The following WWOX variants were observed in gnomAD, a reference collection of about 807,000 sequenced individuals.
The protein encoded by WWOX is WW domain containing oxidoreductase, also known as WW domain-containing oxidoreductase.
WWOX carries 69 observed loss-of-function variants against 46.2 expected under a neutral mutation model. The ratio of observed to expected loss-of-function variants is 1.49; its 90% CI spans 1.23 to 1.82. WWOX has a LOEUF of 1.82. Ranked by LOEUF, WWOX falls within the 40% of genes most tolerant of loss-of-function variation. The probability of loss-of-function intolerance (pLI) is 0.00; values close to 1 mark genes in which losing one functional copy is unlikely to be tolerated. For synonymous variants in WWOX, 359 were observed against 202.6 expected, an observed-to-expected ratio of 1.77 and a Z score of -6.56; for missense variants, 919 against 542.6, an observed-to-expected ratio of 1.69 and a Z score of -6.89.
intron 8 of WWOX, among the ~76,000 whole-genome samples, chr16:79,013,018 G>T (rs912350502): frequency 2.0e-5 from 3 of 152,188 alleles, no homozygotes; most frequent in African/African-American, 7.2e-5. Context: ...GCAGTGAGCT[G>T]AGATCGTGCC....
chr16:78,584,861 C>A (rs1247682896), intron 8 of WWOX, among the ~76,000 whole-genome samples: 1 of 152,132 alleles, frequency 6.6e-6, no homozygotes, highest in Non-Finnish European at 1.5e-5. Flanking sequence ...CACGTCGGTG[C>A]GTGTAAGCAA....
chr16:78,413,461 G>A lies in WWOX; in HGVS notation c.606-11409G>A, dbSNP rs16982222. 6.6e-5 allele frequency among the ~76,000 whole-genome samples: 10 copies of A among 152,132 alleles called. No homozygotes were observed. The East Asian group carries it at 1.7e-3, about 26-fold the overall frequency. ...GAGCAATGTTTTTGGGGCAGCGGGT[G>A]GATCTCACAAAGTACATTCTCAAGG... On this transcript the variant is annotated intron_variant, in intron 6 of 8. Transcript: ENST00000566780.
At chr16:79,155,925 C>A (rs1045434431) in intron 8 of WWOX, among the ~76,000 whole-genome samples, 2 of 151,750 alleles carry the variant, frequency 1.3e-5, no homozygotes, top group Non-Finnish European at 2.9e-5. Flanking sequence ...ACAAGTCTCT[C>A]TGTTGATTTC....
At chr16:78,594,564 G>C (rs935958521) in intron 8 of WWOX, among the ~76,000 whole-genome samples, 2 of 151,198 alleles carry the variant, frequency 1.3e-5, no homozygotes, top group East Asian at 2.0e-4. Flanking sequence ...CAAACTCATA[G>C]TTTTCAGGTG....
intron 6 of WWOX, among the ~76,000 whole-genome samples, chr16:78,406,436 T>G (rs764276030): frequency 1.8e-4 from 26 of 147,496 alleles, no homozygotes; most frequent in Admixed American, 7.6e-4. Context: ...CACTGTAACC[T>G]CCGCCGCCCG....
chr16:78,877,783 A>C (rs2044264016), intron 8 of WWOX, among the ~76,000 whole-genome samples: 1 of 152,212 alleles, frequency 6.6e-6, no homozygotes, highest in Admixed American at 6.5e-5. Flanking sequence ...GGAGGAATGA[A>C]TCTAGAAATA....
intron 8 of WWOX, among the ~76,000 whole-genome samples, chr16:79,064,635 A>G (rs112743239): frequency 2.6e-5 from 4 of 152,220 alleles, no homozygotes; most frequent in African/African-American, 4.8e-5. Flanking sequence ...TTAGCCGTCC[A>G]TCCGGCACTG....
rs372408512 is a variant in WWOX at position 78,424,954 on chromosome 16, A to C, written c.690A>C (p.Gln230His). ...AAGATGGCCTGGAGACCACCTTTCA[A>C]GTGAATCATCTGGGGCACTTCTACC... ...LTKDGLETTFQVNHLGHFYLV... is the reference protein window; with the variant it reads ...LTKDGLETTFHVNHLGHFYLV... Residue 230 changes from glutamine (Q) to histidine (H), a missense_variant, in exon 7 of 9, where the codon CAA becomes CAC. Gln to His is a conservative substitution (Grantham distance 24, BLOSUM62 0). Transcript: ENST00000566780. 4 of 1,614,098 alleles carry C rather than the reference A, an allele frequency of 2.5e-6. No homozygotes were observed. Among genetic ancestry groups the C allele is most frequent in the Non-Finnish European group, 2.5e-6 (3 of 1,180,008 alleles).
intron 6 of WWOX, among the ~76,000 whole-genome samples, chr16:78,395,937 G>C (rs2082275513): frequency 6.6e-6 from 1 of 152,090 alleles, no homozygotes; most frequent in African/African-American, 2.4e-5. Flanking sequence ...CAGATGAGTT[G>C]CCATAAAAGC....
At chr16:78,303,268 A>G (rs943488391) in intron 5 of WWOX, among the ~76,000 whole-genome samples, 7 of 152,228 alleles carry the variant, frequency 4.6e-5, no homozygotes, top group African/African-American at 1.4e-4. Context: ...AAGTATAAAT[A>G]AATAAGACAT....
chr16:79,120,024 G>A (rs1481293630), intron 8 of WWOX, among the ~76,000 whole-genome samples: 1 of 152,202 alleles, frequency 6.6e-6, no homozygotes, highest in Non-Finnish European at 1.5e-5. Flanking sequence ...ACAGCCCAGT[G>A]GCCGTGGCCT....
intron 5 of WWOX, among the ~76,000 whole-genome samples, chr16:78,214,481 C>G (rs894053808): frequency 1.3e-5 from 2 of 152,200 alleles, no homozygotes; most frequent in African/African-American, 4.8e-5. Context: ...ACTCCCACCC[C>G]TGTCATCCTC....
At chr16:79,149,025 T>A (rs1438345000) in intron 8 of WWOX, among the ~76,000 whole-genome samples, 1 of 152,028 alleles carries the variant, frequency 6.6e-6, no homozygotes, top group African/African-American at 2.4e-5. Context: ...ATGTGTGCCC[T>A]TTTTTTATTG....
chr16:79,026,290 C>T (rs1041442757), intron 8 of WWOX, among the ~76,000 whole-genome samples: 5 of 151,846 alleles, frequency 3.3e-5, no homozygotes, highest in East Asian at 1.9e-4. Context: ...CTCCTGCCTG[C>T]CACAGGGCCT....
chr16:78,609,596 C>A lies in WWOX; in HGVS notation c.1056+176844C>A, dbSNP rs533796951. On this transcript the variant is annotated intron_variant, in intron 8 of 8. Transcript: ENST00000566780. Reference sequence around the variant, plus strand: ...ATACCCCTCCTAGGAGACAGTGATTCCCTGGCTTCACCAGGCAGGCTCTTG... The same window carrying A: ...ATACCCCTCCTAGGAGACAGTGATTACCTGGCTTCACCAGGCAGGCTCTTG... 4.0e-5 allele frequency among the ~76,000 whole-genome samples: 6 copies of A among 150,258 alleles called. No homozygotes were observed. In the East Asian group the frequency reaches 1.2e-3, roughly 30 times the overall value.
At chr16:78,179,531 G>T (rs944892686) in intron 5 of WWOX, among the ~76,000 whole-genome samples, 3 of 152,130 alleles carry the variant, frequency 2.0e-5, no homozygotes, top group Admixed American at 6.5e-5. Flanking sequence ...AACGCTTCAT[G>T]CTTAATTGGA....
At chr16:78,946,490 C>G (rs2045951225) in intron 8 of WWOX, among the ~76,000 whole-genome samples, 2 of 152,150 alleles carry the variant, frequency 1.3e-5, no homozygotes, top group South Asian at 2.1e-4. Flanking sequence ...CGTGCCTGGC[C>G]TCTTTCTGTT....
Position 78,641,266 on chromosome 16 carries a change from A to T in WWOX, c.1056+208514A>T, listed in dbSNP as rs188098444. ...TTTTTTCTAAAGGAAAAGGCAGAGA[A>T]GCCCCCAGACCGGAGCCACAATCAA... On this transcript the variant is annotated intron_variant, in intron 8 of 8. Coordinates refer to ENST00000566780, the MANE Select transcript of WWOX (RefSeq NM_016373.4). Among the ~76,000 whole-genome samples the T allele has an allele frequency of 2.9e-3, 439 of 152,184 alleles. 2 individuals are homozygous for T. Among genetic ancestry groups the T allele is most frequent in the African/African-American group, 0.01 (429 of 41,522 alleles).
At chr16:78,538,072 G>C (rs769320739) in intron 8 of WWOX, among the ~76,000 whole-genome samples, 1 of 152,174 alleles carries the variant, frequency 6.6e-6, no homozygotes, top group South Asian at 2.1e-4. Flanking sequence ...GGTATTTTGA[G>C]CGGCACAGAA....
Sources: allele counts gnomAD v4.1 joint callset (sites outside exome capture counted in the v4.1 genomes callset), GRCh38; gene constraint gnomAD v4.1.1; transcripts MANE v1.5; gene names NCBI Gene and HGNC (gene_info 2026-07-23, HGNC 2026-07-21).